Variants in CYSLTR2 observed in about 807,000 individuals in gnomAD.
CYSLTR2 encodes G-protein coupled receptor GPCR21.
For synonymous variants in CYSLTR2, 179 were observed against 160.8 expected (o/e 1.11, Z -0.86); for missense variants, 398 against 411.9 (o/e 0.97, Z 0.29).
intron 1 of CYSLTR2, among the ~76,000 whole-genome samples, chr13:48,675,687 C>T (rs1014353527): frequency 5.9e-5 from 9 of 152,272 alleles, no homozygotes; most frequent in East Asian, 1.9e-4. Flanking sequence ...CCAGGCTCCA[C>T]CGAGGCATAG....
intron 1 of CYSLTR2, among the ~76,000 whole-genome samples, chr13:48,690,607 C>T (rs1326415249): frequency 6.6e-6 from 1 of 152,142 alleles, no homozygotes; most frequent in African/African-American, 2.4e-5. Context: ...CTGAAGCCAA[C>T]TGGATCGTAA....
chr13:48,675,910 C>T (rs1053631036), intron 1 of CYSLTR2, among the ~76,000 whole-genome samples: 2 of 152,228 alleles, frequency 1.3e-5, no homozygotes, highest in African/African-American at 2.4e-5. Context: ...GGGAGTTCCT[C>T]AACCCCTTGC....
At chr13:48,671,777 A>T (rs1185121506) in intron 1 of CYSLTR2, among the ~76,000 whole-genome samples, 2 of 152,112 alleles carry the variant, frequency 1.3e-5, no homozygotes, top group East Asian at 1.9e-4. Context: ...TAGCATCAGG[A>T]TGATGCTGGA....
chr13:48,690,076 G>T (rs1386648317), intron 1 of CYSLTR2, among the ~76,000 whole-genome samples: 1 of 152,108 alleles, frequency 6.6e-6, no homozygotes, highest in Non-Finnish European at 1.5e-5. Flanking sequence ...TGGTGTATAG[G>T]AATGCTTGTA....
rs59931363 is a variant in CYSLTR2 at position 48,656,147 on chromosome 13, A to G, written c.-266+2130A>G. On this transcript the variant is annotated intron_variant, in intron 1 of 4. Coordinates refer to ENST00000682523, the MANE Select transcript of CYSLTR2 (RefSeq NM_001308476.3). ...AAAGTTCATTATTTAAGTTTATTTC[A>G]GCTTGTATTACATTGTAATTTTTTT... Among the ~76,000 whole-genome samples, 171 of 152,304 alleles carry G rather than the reference A, an allele frequency of 1.1e-3. 1 individual carries two copies. The highest frequency in any genetic ancestry group is 4.0e-3 in the African/African-American group (167 of 41,564).
chr13:48,681,424 A>G (rs1953752349), intron 1 of CYSLTR2, among the ~76,000 whole-genome samples: 1 of 152,144 alleles, frequency 6.6e-6, no homozygotes, highest in Non-Finnish European at 1.5e-5. Flanking sequence ...TGCACTAGTC[A>G]TACCTCCTCC....
Position 48,707,750 on chromosome 13 carries a change from T to A in CYSLTR2, c.933T>A (p.Asn311Lys), listed in dbSNP as rs201885552. The A allele has an allele frequency of 4.4e-5, 70 of 1,605,160 alleles. No homozygotes were observed. In the African/African-American group the frequency reaches 8.0e-4, roughly 18 times the overall value. Residue 311 changes from asparagine (N) to lysine (K), a missense_variant, in exon 5 of 5, where the codon AAT (asparagine) becomes AAA (lysine). Physicochemically the swap from Asn to Lys is moderately conservative, Grantham distance 94 (BLOSUM62 0). Coordinates refer to ENST00000682523, the MANE Select transcript of CYSLTR2 (RefSeq NM_001308476.3). The part of the protein sequence containing the change: ...NPLLYYFAGE[N>K]FKDRLKSALR... ...TGCTCTATTACTTTGCTGGGGAGAA[T>A]TTTAAGGACAGACTAAAGTCTGCAC...
chr13:48,666,760 A>G (rs1004714792), intron 1 of CYSLTR2, among the ~76,000 whole-genome samples: 12 of 151,952 alleles, frequency 7.9e-5, no homozygotes, highest in Non-Finnish European at 1.6e-4. Flanking sequence ...TTTTATGATA[A>G]CTATCTTTTT....
chr13:48,706,610 C>T (rs948556477), intron 4 of CYSLTR2: 25 of 514,476 alleles, frequency 4.9e-5, no homozygotes, highest in African/African-American at 3.1e-4. Flanking sequence ...GGCTATTCTA[C>T]ATTCAAAAAT....
chr13:48,662,628 A>G (rs759570642), intron 1 of CYSLTR2, among the ~76,000 whole-genome samples: 1 of 152,118 alleles, frequency 6.6e-6, no homozygotes, highest in Non-Finnish European at 1.5e-5. Context: ...ACATTTTTTC[A>G]TATACCTGTT....
At chr13:48,681,717 C>T (rs1268475447) in intron 1 of CYSLTR2, among the ~76,000 whole-genome samples, 1 of 152,204 alleles carries the variant, frequency 6.6e-6, no homozygotes, top group African/African-American at 2.4e-5. Flanking sequence ...CCCTGAGGGC[C>T]TGCTACATCC....
chr13:48,679,261 G>A (rs1172809270), intron 1 of CYSLTR2, among the ~76,000 whole-genome samples: 2 of 152,030 alleles, frequency 1.3e-5, no homozygotes, highest in Admixed American at 6.6e-5. Context: ...CATTCCCCAA[G>A]GCTGGTGTGG....
chr13:48,691,095 G>A (rs753078775), intron 1 of CYSLTR2, 117 bp from the exon 2 acceptor site: 16 of 151,860 alleles, frequency 1.1e-4, no homozygotes, highest in African/African-American at 3.9e-4. Flanking sequence ...TTATATCTAG[G>A]TAAAGCTTAT....
intron 3 of CYSLTR2, among the ~76,000 whole-genome samples, chr13:48,694,382 AAAC>A (rs1351558645): frequency 2.0e-5 from 3 of 152,224 alleles, no homozygotes; most frequent in African/African-American, 7.2e-5. Context: ...TTGTATAGAC[AAAC>A]AACACTTAGG....
intron 1 of CYSLTR2, among the ~76,000 whole-genome samples, chr13:48,685,318 G>A (rs1232245181): frequency 6.6e-6 from 1 of 152,034 alleles, no homozygotes; most frequent in African/African-American, 2.4e-5. Context: ...AGCACCGAGG[G>A]GACGGTGCTA....
chr13:48,702,149 CTA>C (rs940154320), intron 4 of CYSLTR2, among the ~76,000 whole-genome samples: 1 of 151,464 alleles, frequency 6.6e-6, no homozygotes, highest in African/African-American at 2.4e-5. Flanking sequence ...TCTGAGCAAA[CTA>C]TCGCAAGGAC....
At chr13:48,703,543 T>A (rs1954404381) in intron 4 of CYSLTR2, among the ~76,000 whole-genome samples, 1 of 152,218 alleles carries the variant, frequency 6.6e-6, no homozygotes, top group Non-Finnish European at 1.5e-5. Context: ...TTGAATTTTG[T>A]CATGCACTTT....
chr13:48,698,351 A>C (rs1343155529), intron 4 of CYSLTR2, among the ~76,000 whole-genome samples: 1 of 152,220 alleles, frequency 6.6e-6, no homozygotes, highest in Non-Finnish European at 1.5e-5. Flanking sequence ...GCCAGAAGAG[A>C]GTGGGGGCCA....
intron 4 of CYSLTR2, among the ~76,000 whole-genome samples, chr13:48,701,348 A>G (rs879141519): frequency 6.6e-6 from 1 of 152,138 alleles, no homozygotes; most frequent in East Asian, 1.9e-4. Context: ...AAGCATCTCA[A>G]CTTTGACAAA....
Sources: allele counts gnomAD v4.1 joint callset (sites outside exome capture counted in the v4.1 genomes callset), GRCh38; gene constraint gnomAD v4.1.1; transcripts MANE v1.5; gene names NCBI Gene and HGNC (gene_info 2026-07-23, HGNC 2026-07-21).